The following SRPK2 variants were observed in gnomAD, a reference collection of about 807,000 sequenced individuals.
SRPK2 encodes SRSF protein kinase 2.
Under a neutral mutation model 90.8 loss-of-function variants are expected in SRPK2, and 21 were observed. The ratio of observed to expected loss-of-function variants is 0.23; its 90% CI spans 0.16 to 0.33. The LOEUF (loss-of-function observed/expected upper bound fraction) is 0.33. Ranked by LOEUF, SRPK2 falls within the 10% of genes least tolerant of loss-of-function variation. The pLI, the probability that SRPK2 is intolerant of heterozygous loss-of-function variation, is 1.00. For synonymous variants in SRPK2, 288 were observed against 311.1 expected, an observed-to-expected ratio of 0.93 and a Z score of 0.78; for missense variants, 620 against 869.0, an observed-to-expected ratio of 0.71 and a Z score of 3.60.
chr7:105,388,598 C>T, intron 2 of SRPK2, 50 bp downstream of exon 2: 1 of 1,527,550 alleles, frequency 6.5e-7, no homozygotes, highest in East Asian at 2.6e-5. Flanking sequence ...CCGCGGGCGC[C>T]CCCGACGGGG....
chr7:105,115,369 G>T (rs1013016), downstream of SRPK2: 123,144 of 152,172 alleles, frequency 0.81, 50,571 homozygotes, highest in Non-Finnish European at 0.87. Context: ...TTTATGACTC[G>T]GAAGATCTTA....
At chr7:105,354,608 A>G (rs1817578829) in intron 2 of SRPK2, among the ~76,000 whole-genome samples, 1 of 152,218 alleles carries the variant, frequency 6.6e-6, no homozygotes, top group Non-Finnish European at 1.5e-5. Flanking sequence ...ACAGTTGGGT[A>G]CCACAAATAA....
intron 2 of SRPK2, among the ~76,000 whole-genome samples, chr7:105,254,416 TAA>T (rs1476945150): frequency 6.6e-6 from 1 of 152,232 alleles, no homozygotes; most frequent in African/African-American, 2.4e-5. Context: ...CACTCCTTTA[TAA>T]AGAGCCTTAC....
At chr7:105,235,481 T>TGC (rs1800011192) in intron 2 of SRPK2, among the ~76,000 whole-genome samples, 1 of 144,476 alleles carries the variant, frequency 6.9e-6, no homozygotes, top group Non-Finnish European at 1.5e-5. Flanking sequence ...TGTGTGTGTG[T>TGC]GCATGTGCAT....
At chr7:105,285,989 T>A (rs892663738) in intron 2 of SRPK2, among the ~76,000 whole-genome samples, 4 of 152,216 alleles carry the variant, frequency 2.6e-5, no homozygotes, top group African/African-American at 9.6e-5. Context: ...GCTTTACATA[T>A]AATAATTCTG....
chr7:105,396,659 AAAGAAG>A (rs1378206707), intron 1 of SRPK2, among the ~76,000 whole-genome samples: 1 of 150,034 alleles, frequency 6.7e-6, no homozygotes, highest in Non-Finnish European at 1.5e-5. Flanking sequence ...GAGAGAGAGA[AAAGAAG>A]AAGAAGAGGA....
intron 2 of SRPK2, among the ~76,000 whole-genome samples, chr7:105,271,380 C>T (rs55949446): frequency 0.43 from 65,821 of 151,986 alleles, 15,625 homozygotes; most frequent in South Asian, 0.53. Flanking sequence ...AAAAGGTTTC[C>T]AACTTCATTT....
Position 105,142,365 on chromosome 7 carries a change from C to T in SRPK2, c.1186G>A (p.Gly396Ser). ...PTWIESPKTN[G>S]HIENGPFSLE... ...GAGAATGGGCCATTCTCAATATGGC[C>T]ATTGGTTTTAGGTGATTCTATCCAC... The change falls in exon 11 of 16, where the codon GGC becomes AGC. Residue 396 changes from glycine (G) to serine (S), a missense_variant. This residue lies in a region of SRPK2 where 243 missense variants were observed against 245.7 expected (regional missense o/e 0.99). Coordinates refer to ENST00000393651, the MANE Select transcript of SRPK2 (RefSeq NM_182692.3). 2 of 1,614,102 alleles carry T rather than the reference C, an allele frequency of 1.2e-6. No individual in the cohort carries two copies. The highest frequency in any genetic ancestry group is 1.7e-6 in the Non-Finnish European group (2 of 1,180,002).
intron 2 of SRPK2, among the ~76,000 whole-genome samples, chr7:105,312,218 G>A (rs909647606): frequency 6.6e-6 from 1 of 152,254 alleles, no homozygotes; most frequent in Non-Finnish European, 1.5e-5. Flanking sequence ...AAGGTGGGGG[G>A]ATCACAAGGT....
At chr7:105,260,217 G>A (rs1258847850) in intron 2 of SRPK2, among the ~76,000 whole-genome samples, 5 of 152,128 alleles carry the variant, frequency 3.3e-5, no homozygotes, top group Non-Finnish European at 2.9e-5. Flanking sequence ...CAAAAAGTGG[G>A]CAAAGGATAT....
At position 105,206,256 on chromosome 7, in the gene SRPK2, T is replaced by C. The variant is rs1237144440; in HGVS notation, c.72-2471A>G. ...TCATGCCCATTGAGAACCAGTGCACTAGTAGCATTTTCTATATATGGCTTT... is the reference window on the plus strand; with the variant it reads ...TCATGCCCATTGAGAACCAGTGCACCAGTAGCATTTTCTATATATGGCTTT... On this transcript the variant is annotated intron_variant, in intron 2 of 15. Transcript: ENST00000393651. The C allele has an allele frequency of 4.5e-5, 13 of 288,710 alleles. 1 individual carries two copies. Among genetic ancestry groups the C allele is most frequent in the South Asian group, 4.1e-4 (13 of 31,484 alleles). 17.9% of individuals were successfully genotyped at this position (288,710 alleles called of 1,614,324 possible). A position where few individuals can be genotyped will look rare whatever the true frequency, so the allele number is the denominator to read the frequency against.
intron 15 of SRPK2, 147 bp downstream of exon 15, chr7:105,126,101 T>C: frequency 1.3e-6 from 1 of 744,830 alleles, no homozygotes; most frequent in Non-Finnish European, 2.2e-6. Context: ...TGGTCTTCCC[T>C]GACAATTTTT....
intron 2 of SRPK2, among the ~76,000 whole-genome samples, chr7:105,287,105 C>A (rs1808213919): frequency 6.7e-6 from 1 of 150,352 alleles, no homozygotes; most frequent in Non-Finnish European, 1.5e-5. Flanking sequence ...ACTAAAAATA[C>A]AAAAAATTAG....
chr7:105,389,369 A>G (rs1822074034), upstream of SRPK2: 3 of 1,268,368 alleles, frequency 2.4e-6, no homozygotes, highest in Non-Finnish European at 2.0e-6. Context: ...TTGCAACCCC[A>G]TGAGCGCCGC....
At chr7:105,369,368 G>T (rs1011567009) in intron 2 of SRPK2, among the ~76,000 whole-genome samples, 2 of 152,018 alleles carry the variant, frequency 1.3e-5, no homozygotes, top group East Asian at 3.9e-4. Context: ...GGCTGGTATC[G>T]AACTCCTGAC....
chr7:105,165,060 A>G (rs1026869536), intron 6 of SRPK2, among the ~76,000 whole-genome samples: 5 of 152,204 alleles, frequency 3.3e-5, no homozygotes, highest in African/African-American at 1.2e-4. Flanking sequence ...AAAAGTACTC[A>G]TGACACTGAA....
intron 15 of SRPK2, among the ~76,000 whole-genome samples, chr7:105,124,640 T>TTAAAAAAAA (rs71519197): frequency 1.9e-5 from 1 of 52,926 alleles, no homozygotes; most frequent in African/African-American, 6.2e-5. Flanking sequence ...AAACTCCATC[T>TTAAAAAAAA]AAAAAAAAAA....
chr7:105,322,649 C>G (rs1390076889), intron 2 of SRPK2, among the ~76,000 whole-genome samples: 3 of 151,828 alleles, frequency 2.0e-5, no homozygotes, highest in African/African-American at 7.3e-5. Flanking sequence ...TGGAACTAGA[C>G]AGAAGTGGTG....
chr7:105,251,655 C>T (rs1213855030), intron 2 of SRPK2, among the ~76,000 whole-genome samples: 7 of 152,226 alleles, frequency 4.6e-5, no homozygotes. Flanking sequence ...CTGCATTAAA[C>T]AGAGGCTTCT....
Sources: gnomAD v4.1 joint callset for allele counts (sites outside exome capture counted in the v4.1 genomes callset) on GRCh38, gnomAD v4.1.1 for gene constraint, gnomAD v4.1.1 regional missense constraint, MANE v1.5 for transcripts, NCBI Gene and HGNC (gene_info 2026-07-23, HGNC 2026-07-21) for gene names.